RIPOR2: variants seen among roughly 807,000 people sequenced by gnomAD.
RIPOR2 encodes the protein RHO family interacting cell polarization regulator 2, also known as rho family-interacting cell polarization regulator 2.
In RIPOR2, 39 loss-of-function variants were observed where a neutral mutation model predicts 114.5. The observed-to-expected ratio is 0.34, with a 90% CI of 0.26 to 0.44. The LOEUF (loss-of-function observed/expected upper bound fraction) is 0.44, where lower values mean the gene tolerates loss of function less well. Ranked by LOEUF, RIPOR2 falls within the 20% of genes least tolerant of loss-of-function variation. The probability of loss-of-function intolerance (pLI) is 1.00; values close to 1 mark genes in which losing one functional copy is unlikely to be tolerated. For missense variants in RIPOR2, 1,007 were observed against 1,255.1 expected, an observed-to-expected ratio of 0.80 and a Z score of 2.99; for synonymous variants, 445 against 484.4, an observed-to-expected ratio of 0.92 and a Z score of 1.07.
In RIPOR2 at chr6:24,840,678, T is replaced by G. The variant is rs973350094; in HGVS notation, c.1858-1406A>C. On this transcript the variant is annotated intron_variant, in intron 13 of 21. Transcript: ENST00000643898. The stretch of plus-strand genomic sequence containing the variant: ...GCACAAAAGCACATGGGAAAACGTC[T>G]TTCGGTCTTTTAAATCACAGTTGTC... 19 of 1,534,482 alleles carry G rather than the reference T, an allele frequency of 1.2e-5. No individual in the cohort carries two copies. The African/African-American group carries it at 2.2e-4, about 18-fold the overall frequency.
chr6:24,852,618 C>T lies in RIPOR2; in HGVS notation c.716G>A (p.Gly239Asp), dbSNP rs1350192808. 1 of 1,587,100 alleles carries T rather than the reference C, an allele frequency of 6.3e-7. No individual in the cohort carries two copies. Among genetic ancestry groups the T allele is most frequent in the South Asian group, 1.2e-5 (1 of 86,072 alleles). ...ACAGAGGCGTGCAAAGCCAGCCAGA[C>T]CTGTAACCAAGAAATTGGAAGGTGA... ...LLGEFSIKMK[G>D]LAGFARLCPG... The change falls in exon 9 of 22, where the codon GGT becomes GAT. Residue 239 changes from glycine (G) to aspartate (D), a missense_variant and splice_region_variant. Transcript: ENST00000643898.
rs74561313 is a variant in RIPOR2 at position 24,914,662 on chromosome 6, A to C, written c.61+21176T>G. On this transcript the variant is annotated intron_variant, in intron 1 of 21. Coordinates refer to ENST00000643898, the MANE Select transcript of RIPOR2 (RefSeq NM_001286445.3). Reference sequence around the variant, plus strand: ...CTGTATCCCATTCTCCTCTCATGAGAACTTTTTAAGCCAGTGTGTGGTTGA... The same window carrying C: ...CTGTATCCCATTCTCCTCTCATGAGCACTTTTTAAGCCAGTGTGTGGTTGA... 2.3e-3 allele frequency among the ~76,000 whole-genome samples: 356 copies of C among 152,330 alleles called. 2 individuals carry two copies. In the South Asian group the frequency reaches 0.024, roughly 10 times the overall value.
At chr6:24,922,691 C>T (rs1770581441) in intron 1 of RIPOR2, among the ~76,000 whole-genome samples, 1 of 151,264 alleles carries the variant, frequency 6.6e-6, no homozygotes, top group Non-Finnish European at 1.5e-5. Flanking sequence ...GAAACCCTGT[C>T]TCTACCAAAA....
chr6:24,865,282 G>A lies in RIPOR2; in HGVS notation c.651+19C>T, dbSNP rs775174402. On this transcript the variant is annotated intron_variant, in intron 7 of 21. Coordinates refer to ENST00000643898, the MANE Select transcript of RIPOR2 (RefSeq NM_001286445.3). Reference sequence around the variant, plus strand: ...GGCCAGATGGGATTCGGCAACTTAAGCAGGTTAGGGAGTTATACCTCTGTG... The same window carrying A: ...GGCCAGATGGGATTCGGCAACTTAAACAGGTTAGGGAGTTATACCTCTGTG... 6.3e-7 allele frequency: 1 copy of A among 1,577,158 alleles called. No homozygotes were observed.
chr6:24,810,844 A>T (rs764246257), intron 20 of RIPOR2, among the ~76,000 whole-genome samples: 1 of 151,800 alleles, frequency 6.6e-6, no homozygotes, highest in Non-Finnish European at 1.5e-5. Context: ...TCATTCAGTC[A>T]CCCAGACTGG....
chr6:24,953,644 G>A (rs1203541407), intron 1 of RIPOR2, among the ~76,000 whole-genome samples: 2 of 152,162 alleles, frequency 1.3e-5, no homozygotes, highest in South Asian at 2.1e-4. Flanking sequence ...CTGCTGAAGC[G>A]GGTCACAAGG....
In RIPOR2 at chr6:24,913,271, G is replaced by A. The variant is rs550651794; in HGVS notation, c.61+22567C>T. Among the ~76,000 whole-genome samples the A allele has an allele frequency of 7.9e-5, 12 of 152,246 alleles. No individual in the cohort carries two copies. The South Asian group carries it at 1.5e-3, about 18-fold the overall frequency. ...ATTCCATGAGGTTGCCCCACTCACC[G>A]CTGTGGATTTAGGACTGAAGCTCTA... On this transcript the variant is annotated intron_variant, in intron 1 of 21. Transcript: ENST00000643898.
Position 24,848,127 on chromosome 6 carries a change from T to G in RIPOR2, c.1062A>C (p.Ala354=). Residue 354 remains alanine (A), a synonymous_variant, in exon 12 of 22, where the codon GCA becomes GCC. Coordinates refer to ENST00000643898, the MANE Select transcript of RIPOR2 (RefSeq NM_001286445.3). Reference sequence around the variant, plus strand: ...CTGCCTTGTTCCCAGCGCCTGAGGATGCGGTCATGTCCTCCACGTCAAATG... The same window carrying G: ...CTGCCTTGTTCCCAGCGCCTGAGGAGGCGGTCATGTCCTCCACGTCAAATG... ...WYPFDVEDMT[A]SSGAGNKAAA... The G allele has an allele frequency of 6.2e-7, 1 of 1,613,696 alleles. No homozygotes were observed. The highest frequency in any genetic ancestry group is 8.5e-7 in the Non-Finnish European group (1 of 1,179,804).
At chr6:24,892,541 T>C (rs1212368606) in intron 1 of RIPOR2, among the ~76,000 whole-genome samples, 1 of 152,190 alleles carries the variant, frequency 6.6e-6, no homozygotes, top group Admixed American at 6.5e-5. Context: ...CCTTTTCCAT[T>C]TTTTTTCTAG....
At chr6:24,915,941 C>G (rs1468907010) in intron 1 of RIPOR2, among the ~76,000 whole-genome samples, 1 of 152,196 alleles carries the variant, frequency 6.6e-6, no homozygotes. Context: ...TCAGCTCTGG[C>G]TCTTCTCACC....
At chr6:24,834,146 T>C (rs1050261849) in intron 15 of RIPOR2, among the ~76,000 whole-genome samples, 1 of 152,086 alleles carries the variant, frequency 6.6e-6, no homozygotes, top group African/African-American at 2.4e-5. Flanking sequence ...TGTGAGACCT[T>C]TGTGGTTTTT....
intron 1 of RIPOR2, among the ~76,000 whole-genome samples, chr6:24,994,455 G>A (rs1774960722): frequency 6.6e-6 from 1 of 152,204 alleles, no homozygotes; most frequent in Non-Finnish European, 1.5e-5. Flanking sequence ...AGACTGGGAT[G>A]TTGAAAGCCA....
intron 18 of RIPOR2, 100 bp downstream of exon 18, chr6:24,828,037 A>C: frequency 2.7e-6 from 3 of 1,117,418 alleles, no homozygotes; most frequent in Non-Finnish European, 3.6e-6. Flanking sequence ...TGTGGACTTG[A>C]AAAATAAAAG....
At chr6:24,915,893 T>C (rs2114089274) in intron 1 of RIPOR2, among the ~76,000 whole-genome samples, 1 of 152,278 alleles carries the variant, frequency 6.6e-6, no homozygotes, top group Non-Finnish European at 1.5e-5. Context: ...TCCAGAAGCC[T>C]TCCCAGCTGC....
At chr6:24,927,130 C>CACCA (rs1561782361) in intron 1 of RIPOR2, among the ~76,000 whole-genome samples, 3,415 of 4,876 alleles carry the variant, frequency 0.7, 1,671 homozygotes, top group Non-Finnish European at 0.77. Context: ...TAATCATCAT[C>CACCA]TCACTACCAC....
Position 24,954,629 on chromosome 6 carries a change from G to A in RIPOR2, c.77-78812C>T, listed in dbSNP as rs368028446. Among the ~76,000 whole-genome samples the A allele has an allele frequency of 1.3e-4, 19 of 151,610 alleles. No homozygotes were observed. In the South Asian group the frequency reaches 2.7e-3, roughly 22 times the overall value. On this transcript the variant is annotated intron_variant, in intron 1 of 13. Transcript: ENST00000510784. Reference sequence around the variant, plus strand: ...TGTCACCATGCCTGGCAAATTTTTTGTAGAGACAATATCTCACTATATTGC... The same window carrying A: ...TGTCACCATGCCTGGCAAATTTTTTATAGAGACAATATCTCACTATATTGC...
At position 24,840,554 on chromosome 6, in the gene RIPOR2, C is replaced by T. The variant is rs140519047; in HGVS notation, c.1858-1282G>A. 6.9e-6 allele frequency: 10 copies of T among 1,451,132 alleles called. No individual in the cohort carries two copies. The African/African-American group carries it at 1.4e-4, about 21-fold the overall frequency. 89.9% of individuals were successfully genotyped at this position (1,451,132 alleles called of 1,614,324 possible). On this transcript the variant is annotated intron_variant, in intron 13 of 21. Transcript: ENST00000643898. ...TGGGACAAATTCTGCAAGTTAGAAGCACTAAATGTCCTCCATCCAGTTAGG... is the reference window on the plus strand; with the variant it reads ...TGGGACAAATTCTGCAAGTTAGAAGTACTAAATGTCCTCCATCCAGTTAGG...
intron 1 of RIPOR2, chr6:25,041,714 A>G (rs1210710433): frequency 3.4e-6 from 2 of 595,120 alleles, no homozygotes; most frequent in Non-Finnish European, 3.0e-6. Flanking sequence ...CCATTGGAAA[A>G]CGGAGCACAG....
intron 1 of RIPOR2, among the ~76,000 whole-genome samples, chr6:24,913,169 G>A (rs1169022791): frequency 6.6e-6 from 1 of 151,924 alleles, no homozygotes; most frequent in Non-Finnish European, 1.5e-5. Flanking sequence ...GTGTGTGTGT[G>A]TGTGTGTGTA....
Sources: allele counts gnomAD v4.1 joint callset (sites outside exome capture counted in the v4.1 genomes callset), GRCh38; gene constraint gnomAD v4.1.1; transcripts MANE v1.5; gene names NCBI Gene and HGNC (gene_info 2026-07-23, HGNC 2026-07-21).